The following NHSL1 variants were observed in gnomAD, a reference collection of about 807,000 sequenced individuals.
The protein encoded by NHSL1 is NHS like 1.
NHSL1 carries 48 observed loss-of-function variants against 95.0 expected under a neutral mutation model. That is an observed-to-expected ratio of 0.51 (90% CI 0.40 to 0.64). The LOEUF (loss-of-function observed/expected upper bound fraction) is 0.64, where lower values mean the gene tolerates loss of function less well. Among genes scored for constraint, NHSL1 ranks in the 30% least tolerant of loss-of-function variants. The pLI is 0.00. For synonymous variants in NHSL1, 783 were observed against 833.9 expected (o/e 0.94, Z 1.05); for missense variants, 1,971 against 2,077.7 (o/e 0.95, Z 1.00).
intron 1 of NHSL1, among the ~76,000 whole-genome samples, chr6:138,566,188 A>G (rs1463061513): frequency 1.3e-5 from 2 of 152,130 alleles, no homozygotes; most frequent in Non-Finnish European, 2.9e-5. Context: ...ACCTGAGGTC[A>G]GGAGTTCAAG....
At chr6:138,524,241 G>A (rs1252270885) in intron 1 of NHSL1, among the ~76,000 whole-genome samples, 1 of 152,188 alleles carries the variant, frequency 6.6e-6, no homozygotes, top group Non-Finnish European at 1.5e-5. Flanking sequence ...CTGGTGTTAA[G>A]CAGACTTTTC....
chr6:138,508,249 G>A (rs934019374), intron 1 of NHSL1, among the ~76,000 whole-genome samples: 10 of 152,148 alleles, frequency 6.6e-5, no homozygotes, highest in African/African-American at 2.2e-4. Context: ...GTTCAACCAC[G>A]CCTGCAGGAA....
intron 1 of NHSL1, among the ~76,000 whole-genome samples, chr6:138,645,650 G>A (rs978781326): frequency 1.3e-5 from 2 of 151,854 alleles, no homozygotes; most frequent in African/African-American, 4.8e-5. Context: ...TGGGACTACA[G>A]GTGTGCACCA....
At chr6:138,482,996 A>T (rs1411318858) in intron 2 of NHSL1, among the ~76,000 whole-genome samples, 1 of 152,232 alleles carries the variant, frequency 6.6e-6, no homozygotes, top group Non-Finnish European at 1.5e-5. Context: ...TCTGGGATGG[A>T]GCCTGACAAC....
chr6:138,549,822 A>G (rs1782933707), upstream of NHSL1, among the ~76,000 whole-genome samples: 1 of 152,166 alleles, frequency 6.6e-6, no homozygotes, highest in Admixed American at 6.5e-5. Context: ...CACACATACC[A>G]ACCTCTATTA....
At chr6:138,528,348 AAATC>A (rs1479183221) in intron 1 of NHSL1, among the ~76,000 whole-genome samples, 1 of 152,166 alleles carries the variant, frequency 6.6e-6, no homozygotes, top group Admixed American at 6.5e-5. Flanking sequence ...AAGAAAAAAA[AAATC>A]AAGGCAGATA....
At chr6:138,561,620 T>C (rs1783413678) in intron 1 of NHSL1, among the ~76,000 whole-genome samples, 1 of 152,164 alleles carries the variant, frequency 6.6e-6, no homozygotes, top group Non-Finnish European at 1.5e-5. Flanking sequence ...ACTCAGAAGG[T>C]TGCTTTATAT....
At chr6:138,629,226 C>G (rs1784784097) in intron 1 of NHSL1, among the ~76,000 whole-genome samples, 1 of 152,170 alleles carries the variant, frequency 6.6e-6, no homozygotes, top group South Asian at 2.1e-4. Flanking sequence ...CCCATCAGCT[C>G]TTCCAGAAGC....
rs753400804 is a variant in NHSL1 at position 138,433,261 on chromosome 6, G to A, written c.1084C>T (p.Gln362Ter). Residue 362 changes from glutamine to a stop codon, truncating the protein, a stop_gained, in exon 6 of 8, where the codon CAA (glutamine) becomes TAA (stop). Transcript: ENST00000343505. LOFTEE classifies it high-confidence loss of function. ...AAATGGCCTAAGTTTTCATCTGCTT[G>A]TGGGTGACCTCTCTGGTAGAGGAAA... ...GTFLYQRGHP[Q>*]ADENLGHLGG... The A allele has an allele frequency of 3.9e-6, 6 of 1,551,578 alleles. No individual in the cohort carries two copies. The highest frequency in any genetic ancestry group is 5.2e-6 in the Non-Finnish European group (6 of 1,146,970).
chr6:138,637,658 CA>C (rs1376955704), intron 1 of NHSL1, among the ~76,000 whole-genome samples: 1 of 152,084 alleles, frequency 6.6e-6, no homozygotes, highest in Non-Finnish European at 1.5e-5. Context: ...CAGAGAACAC[CA>C]ATCAATACTA....
rs150154199 is a variant in NHSL1, at chr6:138,519,723, A to G, written c.17-23352T>C. Among the ~76,000 whole-genome samples, 949 of 152,290 alleles carry G rather than the reference A, an allele frequency of 6.2e-3. 22 individuals carry two copies. Among genetic ancestry groups the G allele is most frequent in the Admixed American group, 0.048 (737 of 15,282 alleles). On this transcript the variant is annotated intron_variant, in intron 1 of 4. Transcript: ENST00000342260. Reference sequence around the variant, plus strand: ...GATACATCTTCACACATACTTAGGCATCTCTAGCAAGGTAGCTGGAGAAAG... The same window carrying G: ...GATACATCTTCACACATACTTAGGCGTCTCTAGCAAGGTAGCTGGAGAAAG...
At chr6:138,527,228 C>T (rs1347942201) in intron 1 of NHSL1, among the ~76,000 whole-genome samples, 2 of 150,440 alleles carry the variant, frequency 1.3e-5, no homozygotes, top group African/African-American at 4.9e-5. Flanking sequence ...TTCATGGTTA[C>T]ATATTTGGGA....
At chr6:138,604,282 G>A (rs942690442) in intron 1 of NHSL1, among the ~76,000 whole-genome samples, 6 of 152,336 alleles carry the variant, frequency 3.9e-5, no homozygotes, top group East Asian at 1.9e-4. Context: ...GAAGGTTAAT[G>A]CATTCAGAAT....
chr6:138,575,383 T>C (rs578072549), upstream of NHSL1, among the ~76,000 whole-genome samples: 150 of 152,308 alleles, frequency 9.8e-4, 1 homozygote, highest in African/African-American at 3.3e-3. Flanking sequence ...TAAAGGAACA[T>C]TTCCTGCCAA....
At chr6:138,565,095 T>G (rs1783560444) in intron 1 of NHSL1, among the ~76,000 whole-genome samples, 1 of 152,072 alleles carries the variant, frequency 6.6e-6, no homozygotes, top group South Asian at 2.1e-4. Context: ...TCCAGTTGTT[T>G]TTGTGGGTTT....
At chr6:138,523,193 A>C (rs1018056907) in intron 1 of NHSL1, among the ~76,000 whole-genome samples, 15 of 152,180 alleles carry the variant, frequency 9.9e-5, no homozygotes, top group African/African-American at 3.6e-4. Context: ...CGGCACACCA[A>C]GTATTTTCTG....
chr6:138,433,610 T>C lies in NHSL1; in HGVS notation c.735A>G (p.Gly245=). 6.4e-7 allele frequency: 1 copy of C among 1,552,178 alleles called. No individual in the cohort carries two copies. Among genetic ancestry groups the C allele is most frequent in the Non-Finnish European group, 8.7e-7 (1 of 1,147,098 alleles). ...CAGCAGACCGACAGCTATTGAACCT[T>C]CCTAGTGTAGAGTAGTGATCAGGGG... is the stretch of plus-strand genomic sequence containing the variant. ...VYTPDHYSTL[G]RFNSCRSAGQ... The change falls in exon 6 of 8, where the codon GGA becomes GGG. Residue 245 remains glycine, a synonymous_variant. Coordinates refer to ENST00000343505, the MANE Select transcript of NHSL1 (RefSeq NM_001144060.2).
rs779068715 is a variant in NHSL1 at position 138,571,794 on chromosome 6, G to C, written c.118C>G (p.Arg40Gly). 1.9e-6 allele frequency: 3 copies of C among 1,552,160 alleles called. No individual in the cohort carries two copies. In the South Asian group the frequency reaches 3.6e-5, roughly 18 times the overall value. The change falls in exon 1 of 7, where the codon CGC (arginine) becomes GGC (glycine). Residue 40 changes from arginine to glycine, a missense_variant. Coordinates refer to the NHSL1 transcript ENST00000427025. The stretch of plus-strand genomic sequence containing the variant: ...CAAACCGAGAGCTCTCCATCACTGC[G>C]AAACAGCCTCTTTGTCTGCCTGGAC...
intron 3 of NHSL1, among the ~76,000 whole-genome samples, chr6:138,472,158 G>A (rs1583248734): frequency 6.7e-6 from 1 of 149,228 alleles, no homozygotes; most frequent in African/African-American, 2.5e-5. Context: ...CTCCAGCCTG[G>A]GCGACAGAGC....
Sources: gnomAD v4.1 joint callset for allele counts (sites outside exome capture counted in the v4.1 genomes callset) on GRCh38, gnomAD v4.1.1 for gene constraint, MANE v1.5 for transcripts, NCBI Gene and HGNC (gene_info 2026-07-23, HGNC 2026-07-21) for gene names.